The following PGBD2 variants were observed in gnomAD, a reference collection of about 807,000 sequenced individuals.
PGBD2 encodes piggyBac transposable element derived 2, also known as piggyBac transposable element-derived protein 2.
A neutral mutation model predicts 8.1 loss-of-function variants in PGBD2; 6 were observed. That is an observed-to-expected ratio of 0.74 (90% confidence interval 0.40 to 1.46). PGBD2 has a LOEUF of 1.46. PGBD2 is among the 40% of genes most tolerant of loss of function. The pLI is 0.02. For missense variants in PGBD2, 802 were observed against 739.0 expected, an observed-to-expected ratio of 1.09 and a Z score of -0.99; for synonymous variants, 318 against 272.2, an observed-to-expected ratio of 1.17 and a Z score of -1.66.
downstream of PGBD2, among the ~76,000 whole-genome samples, chr1:248,920,591 C>T (rs1382145154): frequency 6.6e-6 from 1 of 152,154 alleles, no homozygotes; most frequent in Admixed American, 6.5e-5. Context: ...GTGAATAGTG[C>T]TGCAATAAAC....
Position 248,917,130 on chromosome 1 carries a change from T to G in PGBD2, c.546T>G (p.Val182=). The change falls in exon 3 of 3, where the codon GTT becomes GTG. Residue 182 remains valine, a synonymous_variant. Coordinates refer to ENST00000329291, the MANE Select transcript of PGBD2 (RefSeq NM_170725.3). ...TTACGGCTCAGGAATTGAAGTGTGT[T>G]TTGGGCATTTTGATTTTAAGTGGGT... ...LSLTAQELKC[V]LGILILSGYI... 6.2e-7 allele frequency: 1 copy of G among 1,614,014 alleles called. No homozygotes were observed. The highest frequency in any genetic ancestry group is 1.1e-5 in the South Asian group (1 of 91,072).
the PGBD2 span, among the ~76,000 whole-genome samples, chr1:248,875,454 C>T: frequency 1.3e-5 from 2 of 152,224 alleles, no homozygotes; most frequent in Non-Finnish European, 2.9e-5. Context: ...ATATGCTAGT[C>T]TACATTCGAA....
At chr1:248,924,893 G>A (rs1662352873), downstream of PGBD2, among the ~76,000 whole-genome samples, 1 of 152,072 alleles carries the variant, frequency 6.6e-6, no homozygotes, top group Non-Finnish European at 1.5e-5. Flanking sequence ...AATATAAATG[G>A]GTGTCTCTGC....
the PGBD2 span, among the ~76,000 whole-genome samples, chr1:248,877,719 A>T: frequency 4.6e-5 from 7 of 152,330 alleles, no homozygotes; most frequent in Admixed American, 2.6e-4. Flanking sequence ...CATTATCTTG[A>T]GAAAGGGTGT....
Position 248,910,831 on chromosome 1 carries a change from GT to G in PGBD2, c.-47-2975del, listed in dbSNP as rs201709584. On this transcript the variant is annotated intron_variant, in intron 1 of 2. Transcript: ENST00000329291. ...TTTCTCACAAGCCATAGAGGAATTT[GT>G]TTTTTTTTTAACAAAAGAAAAAAAC... 1.6e-4 allele frequency among the ~76,000 whole-genome samples: 24 copies of G among 148,068 alleles called. No individual in the cohort carries two copies. In the East Asian group the frequency reaches 2.7e-3, roughly 17 times the overall value.
chr1:248,917,296 G>C lies in PGBD2; in HGVS notation c.712G>C (p.Ala238Pro), dbSNP rs371694592. Residue 238 changes from alanine to proline, a missense_variant, in exon 3 of 3, where the codon GCA becomes CCA. Physicochemically the swap from Ala to Pro is conservative, Grantham distance 27. Coordinates refer to ENST00000329291, the MANE Select transcript of PGBD2 (RefSeq NM_170725.3). ...LHFADNNELDASDRFAKVRPL... is the reference protein window; with the variant it reads ...LHFADNNELDPSDRFAKVRPL... ...TTTTGCAGATAACAACGAACTTGAT[G>C]CAAGTGATAGGTTTGCCAAGGTCAG... is the stretch of plus-strand genomic sequence containing the variant. The C allele has an allele frequency of 1.2e-6, 2 of 1,614,188 alleles. No homozygotes were observed.
chr1:248,904,172 T>G (rs563461777), upstream of PGBD2, among the ~76,000 whole-genome samples: 1 of 152,098 alleles, frequency 6.6e-6, no homozygotes, highest in Non-Finnish European at 1.5e-5. Context: ...ACACATAATT[T>G]AAATATTTTC....
At chr1:248,906,003 G>C (rs1214054854), upstream of PGBD2, among the ~76,000 whole-genome samples, 2 of 152,230 alleles carry the variant, frequency 1.3e-5, no homozygotes, top group Non-Finnish European at 2.9e-5. Context: ...TTAGGAAGGA[G>C]CGAGGAAGGT....
chr1:248,885,534 A>C, the PGBD2 span, among the ~76,000 whole-genome samples: 2 of 152,168 alleles, frequency 1.3e-5, no homozygotes, highest in African/African-American at 4.8e-5. Flanking sequence ...TTCAAAACCC[A>C]GTCTTGGTTC....
the PGBD2 span, among the ~76,000 whole-genome samples, chr1:248,878,638 T>G: frequency 1.3e-5 from 2 of 152,226 alleles, no homozygotes; most frequent in African/African-American, 4.8e-5. Context: ...GGTAGTCCAT[T>G]TAATCTCTCC....
the PGBD2 span, among the ~76,000 whole-genome samples, chr1:248,896,362 C>A: frequency 6.6e-6 from 1 of 151,070 alleles, no homozygotes; most frequent in Non-Finnish European, 1.5e-5. Context: ...TTCATATATA[C>A]ATATATATAT....
chr1:248,909,440 A>G (rs1159118260), intron 1 of PGBD2, among the ~76,000 whole-genome samples: 1 of 152,156 alleles, frequency 6.6e-6, no homozygotes, highest in African/African-American at 2.4e-5. Context: ...TCTTTTCTAA[A>G]TAGTTGTCTC....
chr1:248,879,625 C>T, the PGBD2 span, among the ~76,000 whole-genome samples: 1 of 152,002 alleles, frequency 6.6e-6, no homozygotes, highest in Admixed American at 6.6e-5. Context: ...GTCTCCAACT[C>T]CTGTGCTTAA....
intron 1 of PGBD2, among the ~76,000 whole-genome samples, chr1:248,906,896 G>C (rs745658520): frequency 6.6e-6 from 1 of 152,102 alleles, no homozygotes; most frequent in South Asian, 2.1e-4. Context: ...TCCCACAAAA[G>C]CCATTCTGAG....
the PGBD2 span, among the ~76,000 whole-genome samples, chr1:248,897,215 C>T: frequency 7.1e-6 from 1 of 141,146 alleles, no homozygotes; most frequent in Non-Finnish European, 1.5e-5. Context: ...CTCAGCATTC[C>T]ACCAGTTACT....
At chr1:248,887,175 A>T in the PGBD2 span, among the ~76,000 whole-genome samples, 4 of 152,298 alleles carry the variant, frequency 2.6e-5, no homozygotes, top group African/African-American at 9.6e-5. Context: ...TGATCATAGT[A>T]TTGTTTCCAA....
downstream of PGBD2, among the ~76,000 whole-genome samples, chr1:248,924,623 A>G (rs899248109): frequency 5.3e-5 from 8 of 152,252 alleles, no homozygotes; most frequent in African/African-American, 1.7e-4. Flanking sequence ...GCATGTGTCC[A>G]GATGCATAGG....
chr1:248,887,516 G>A, the PGBD2 span, among the ~76,000 whole-genome samples: 2 of 152,102 alleles, frequency 1.3e-5, no homozygotes, highest in Non-Finnish European at 2.9e-5. Context: ...ATATCAGGAG[G>A]CATATAATAC....
At chr1:248,883,366 G>A in the PGBD2 span, among the ~76,000 whole-genome samples, 5 of 151,854 alleles carry the variant, frequency 3.3e-5, no homozygotes, top group African/African-American at 4.8e-5. Flanking sequence ...CAGGTGATCC[G>A]CCGCCTCGGC....
Sources: gnomAD v4.1 joint callset for allele counts (sites outside exome capture counted in the v4.1 genomes callset) on GRCh38, gnomAD v4.1.1 for gene constraint, MANE v1.5 for transcripts, NCBI Gene and HGNC (gene_info 2026-07-23, HGNC 2026-07-21) for gene names.